The following UROC1 variants were observed in gnomAD, a reference collection of about 807,000 sequenced individuals.
The protein encoded by UROC1 is urocanate hydratase.
In UROC1, 79 loss-of-function variants were observed where a neutral mutation model predicts 89.5. The ratio of observed to expected loss-of-function variants is 0.88; its 90% CI spans 0.74 to 1.06. The LOEUF is 1.06. Ranked by LOEUF, UROC1 falls within the 50% of genes least tolerant of loss-of-function variation. The probability of loss-of-function intolerance (pLI) is 0.00; values close to 1 mark genes in which losing one functional copy is unlikely to be tolerated. For synonymous variants in UROC1, 361 were observed against 354.8 expected (o/e 1.02, Z -0.20); for missense variants, 885 against 907.8 (o/e 0.97, Z 0.32).
In UROC1 at chr3:126,483,466, C is replaced by A. The variant is rs1008268643; in HGVS notation, c.1793G>T (p.Gly598Val). The A allele has an allele frequency of 1.2e-6, 2 of 1,613,818 alleles. No individual in the cohort carries two copies. Among genetic ancestry groups the A allele is most frequent in the Non-Finnish European group, 1.7e-6 (2 of 1,179,984 alleles). Residue 598 changes from glycine (G) to valine (V), a missense_variant and splice_region_variant, in exon 19 of 20, where the codon GGT becomes GTT. Gly to Val is a moderately radical substitution (Grantham distance 109). Coordinates refer to ENST00000290868, the MANE Select transcript of UROC1 (RefSeq NM_144639.3). Reference protein sequence around the residue: ...ALHNGGGVGWGEVINGGFGLV... With the variant: ...ALHNGGGVGWVEVINGGFGLV... ...GCCGAATCCCCCGTTGATCACCTCA[C>A]CCCTGCAGGAGGCAGAGGAGTTTCC...
At chr3:126,493,469 T>G (rs1001928680) in intron 15 of UROC1, among the ~76,000 whole-genome samples, 2 of 152,160 alleles carry the variant, frequency 1.3e-5, no homozygotes, top group Non-Finnish European at 2.9e-5. Context: ...TGCTACAACA[T>G]GGATGGATGA....
intron 12 of UROC1, 73 bp downstream of exon 12, chr3:126,499,984 C>T (rs1046331810): frequency 1.4e-6 from 2 of 1,434,940 alleles, no homozygotes; most frequent in Non-Finnish European, 1.9e-6. Flanking sequence ...AGGTGGGAGC[C>T]AGTGGCACTG....
intron 19 of UROC1, among the ~76,000 whole-genome samples, chr3:126,483,064 C>T (rs112155732): frequency 0.024 from 3,622 of 152,226 alleles, 144 homozygotes; most frequent in African/African-American, 0.083. Flanking sequence ...CTGCCAGCAC[C>T]CTCTCTGTCC....
At position 126,517,631 on chromosome 3, in the gene UROC1, G is replaced by A; in HGVS notation, c.89C>T (p.Pro30Leu). The stretch of plus-strand genomic sequence containing the variant: ...AGGGCTGAGGCTGGGGGTCCTGACA[G>A]GGGCATGGGGCACCCCAGCCTGGCG... Reference protein sequence around the residue: ...RGRQAGVPHAPVRTPSLSPVE... With the variant: ...RGRQAGVPHALVRTPSLSPVE... The change falls in exon 1 of 20, where the codon CCT becomes CTT. Residue 30 changes from proline to leucine, a missense_variant. By Grantham distance (98) the Pro-to-Leu change is moderately conservative. Transcript: ENST00000290868. 1.2e-6 allele frequency: 2 copies of A among 1,611,836 alleles called. No individual in the cohort carries two copies. The highest frequency in any genetic ancestry group is 1.1e-5 in the South Asian group (1 of 90,948).
At chr3:126,502,006 G>C (rs1935934525) in intron 9 of UROC1, 2 of 1,482,986 alleles carry the variant, frequency 1.3e-6, no homozygotes, top group Admixed American at 4.8e-5. Context: ...CAGCTCGGGG[G>C]TTGCGGAAGT....
intron 15 of UROC1, among the ~76,000 whole-genome samples, chr3:126,493,498 T>C (rs2107537568): frequency 6.6e-6 from 1 of 152,314 alleles, no homozygotes; most frequent in African/African-American, 2.4e-5. Flanking sequence ...GACATTATGA[T>C]AGGAGAAATA....
intron 15 of UROC1, among the ~76,000 whole-genome samples, chr3:126,493,821 T>C (rs992297297): frequency 1.3e-5 from 2 of 152,232 alleles, no homozygotes; most frequent in Admixed American, 1.3e-4. Flanking sequence ...TGAGAAACCC[T>C]GGTTTCTCCA....
At chr3:126,497,914 C>A (rs1935817378) in intron 14 of UROC1, 137 bp downstream of exon 14, 2 of 1,477,216 alleles carry the variant, frequency 1.4e-6, no homozygotes, top group East Asian at 4.5e-5. Flanking sequence ...TGAGCACCCA[C>A]CAGACTCACA....
intron 3 of UROC1, among the ~76,000 whole-genome samples, chr3:126,509,105 G>A (rs138135325): frequency 2.0e-5 from 3 of 151,620 alleles, no homozygotes; most frequent in African/African-American, 7.3e-5. Flanking sequence ...GCATGGTGGC[G>A]GGTGCCTGTA....
intron 8 of UROC1, among the ~76,000 whole-genome samples, chr3:126,504,692 C>G (rs1936014925): frequency 6.6e-6 from 1 of 152,240 alleles, no homozygotes; most frequent in Non-Finnish European, 1.5e-5. Flanking sequence ...GCACTCCTAA[C>G]AAGCACAGGT....
intron 11 of UROC1, 57 bp downstream of exon 11, chr3:126,500,638 G>T: frequency 6.2e-7 from 1 of 1,609,398 alleles, no homozygotes; most frequent in South Asian, 1.1e-5. Flanking sequence ...GGCCAGAGCA[G>T]GACAAGGTGG....
chr3:126,508,342 G>A (rs16837531), intron 4 of UROC1, 74 bp downstream of exon 4: 931,431 of 1,505,268 alleles, frequency 0.62, 294,900 homozygotes, highest in South Asian at 0.75. Flanking sequence ...CTGTGGGTTT[G>A]TAAGCTCCTA....
chr3:126,483,437 C>T lies in UROC1; in HGVS notation c.1822G>A (p.Val608Met), dbSNP rs375611196. 31 of 1,613,736 alleles carry T rather than the reference C, an allele frequency of 1.9e-5. No individual in the cohort carries two copies. Among genetic ancestry groups the T allele is most frequent in the East Asian group, 1.8e-4 (8 of 44,890 alleles). ...GEVINGGFGL[V>M]LDGTPEAEGR... is the part of the protein sequence containing the mutation. ...TCGGCCTCCGGGGTACCGTCCAGCA[C>T]GAGGCCGAATCCCCCGTTGATCACC... Residue 608 changes from valine (V) to methionine (M), a missense_variant, in exon 19 of 20, where the codon GTG becomes ATG. Coordinates refer to ENST00000290868, the MANE Select transcript of UROC1 (RefSeq NM_144639.3).
chr3:126,491,949 G>A (rs1935663125), intron 16 of UROC1, among the ~76,000 whole-genome samples: 3 of 152,174 alleles, frequency 2.0e-5, no homozygotes, highest in Admixed American at 1.3e-4. Flanking sequence ...AGGGAACAAT[G>A]ATGGGGCCTG....
intron 9 of UROC1, among the ~76,000 whole-genome samples, chr3:126,502,275 T>A (rs1002937391): frequency 1.4e-5 from 2 of 138,424 alleles, no homozygotes; most frequent in Non-Finnish European, 3.2e-5. Flanking sequence ...GCCTGTGTGT[T>A]TATGTGTTTG....
Position 126,482,374 on chromosome 3 carries a change from G to C in UROC1, c.2002C>G (p.Arg668Gly). 6.2e-7 allele frequency: 1 copy of C among 1,613,624 alleles called. No homozygotes were observed. Among genetic ancestry groups the C allele is most frequent in the East Asian group, 2.2e-5 (1 of 44,882 alleles). ...AGCTGCAGGGCCTGCTGGAGCACCC[G>C]CTCGTCCTCCACCTTGTGAGGCAGT... ...VTLPHKVEDE[R>G]VLQQALQL Residue 668 changes from arginine to glycine, a missense_variant, in exon 20 of 20, where the codon CGG becomes GGG. By Grantham distance (125) the Arg-to-Gly change is moderately radical. Coordinates refer to ENST00000290868, the MANE Select transcript of UROC1 (RefSeq NM_144639.3).
rs767132362 is a variant in UROC1, at chr3:126,507,974, T to C, written c.533A>G (p.Asn178Ser). Residue 178 changes from asparagine (N) to serine (S), a missense_variant, in exon 5 of 20, where the codon AAT becomes AGT. Coordinates refer to ENST00000290868, the MANE Select transcript of UROC1 (RefSeq NM_144639.3). ...CACCTGCTGGGGACCCACCATCCCATTGGTGATGACGAGCCGTGGGGCACT... is the reference window on the plus strand; with the variant it reads ...CACCTGCTGGGGACCCACCATCCCACTGGTGATGACGAGCCGTGGGGCACT... ...SRSAPRLVIT[N>S]GMVIPNYSSR... 33 of 1,613,870 alleles carry C rather than the reference T, an allele frequency of 2.0e-5. No homozygotes were observed. The highest frequency in any genetic ancestry group is 2.5e-5 in the Non-Finnish European group (30 of 1,179,998).
chr3:126,510,695 T>A lies in UROC1; in HGVS notation c.226A>T (p.Met76Leu), dbSNP rs143914676. Reference protein sequence around the residue: ...QELQLYGHIYMYRFCPDIEMR... With the variant: ...QELQLYGHIYLYRFCPDIEMR... ...TCAATGTCGGGGCAAAACCGGTACATGTAGATGTGTCCGTACAGTTGCAGC... is the reference window on the plus strand; with the variant it reads ...TCAATGTCGGGGCAAAACCGGTACAAGTAGATGTGTCCGTACAGTTGCAGC... Residue 76 changes from methionine (M) to leucine (L), a missense_variant, in exon 2 of 20, where the codon ATG (methionine) becomes TTG (leucine). Coordinates refer to ENST00000290868, the MANE Select transcript of UROC1 (RefSeq NM_144639.3). 1 of 1,614,118 alleles carries A rather than the reference T, an allele frequency of 6.2e-7. No individual in the cohort carries two copies. Among genetic ancestry groups the A allele is most frequent in the Non-Finnish European group, 8.5e-7 (1 of 1,180,034 alleles).
intron 15 of UROC1, among the ~76,000 whole-genome samples, chr3:126,494,239 C>T (rs879071062): frequency 3.3e-5 from 5 of 152,192 alleles, no homozygotes; most frequent in Admixed American, 2.6e-4. Flanking sequence ...AGGAGGCACA[C>T]GATCTCCAGG....
Sources: allele counts gnomAD v4.1 joint callset (sites outside exome capture counted in the v4.1 genomes callset), GRCh38; gene constraint gnomAD v4.1.1; transcripts MANE v1.5; gene names NCBI Gene and HGNC (gene_info 2026-07-23, HGNC 2026-07-21).